Variants in TSG101 observed in about 807,000 individuals in gnomAD.
TSG101 encodes the protein tumor susceptibility gene 101 protein.
Under a neutral mutation model 48.5 loss-of-function variants are expected in TSG101, and 19 were observed. That is an observed-to-expected ratio of 0.39 (90% confidence interval 0.27 to 0.58). TSG101 has a LOEUF of 0.58. Ranked by LOEUF, TSG101 falls within the 20% of genes least tolerant of loss-of-function variation. The pLI is 0.55. For missense variants in TSG101, 365 were observed against 484.4 expected (o/e 0.75, Z 2.31); for synonymous variants, 174 against 169.4 (o/e 1.03, Z -0.21).
chr11:18,484,731 T>A (rs1849592848), intron 7 of TSG101, among the ~76,000 whole-genome samples: 1 of 152,220 alleles, frequency 6.6e-6, no homozygotes, highest in African/African-American at 2.4e-5. Flanking sequence ...TCCATGCATA[T>A]TTCAGATCAA....
intron 4 of TSG101, among the ~76,000 whole-genome samples, chr11:18,514,156 T>C (rs1850131452): frequency 6.6e-6 from 1 of 152,144 alleles, no homozygotes; most frequent in Non-Finnish European, 1.5e-5. Flanking sequence ...ATCTCTTTGC[T>C]GTTTTCTTCT....
chr11:18,514,646 T>A, intron 4 of TSG101, 32 bp downstream of exon 4: 1 of 1,493,594 alleles, frequency 6.7e-7, no homozygotes, highest in Middle Eastern at 2.0e-4. Context: ...ATATAAAACA[T>A]AACTAATTCA....
chr11:18,491,411 A>ACT (rs1802559094), intron 7 of TSG101, among the ~76,000 whole-genome samples: 1 of 151,836 alleles, frequency 6.6e-6, no homozygotes, highest in South Asian at 2.1e-4. Context: ...CCTGATAAAA[A>ACT]CTCTAGACCC....
Position 18,480,488 on chromosome 11 carries a change from TAAAAG to T in TSG101, c.*53_*57del. The T allele has an allele frequency of 4.3e-6, 6 of 1,396,892 alleles. No individual in the cohort carries two copies. Among genetic ancestry groups the T allele is most frequent in the African/African-American group, 1.4e-5 (1 of 70,302 alleles). 86.5% of individuals were successfully genotyped at this position (1,396,892 alleles called of 1,614,324 possible). ...ATAACTTATTCTGGGCACCTACTGA[TAAAAG>T]GAAGAGAAGAATACTTTAAGAAGAG... On this transcript the variant is annotated 3_prime_UTR_variant, in exon 10 of 10. Coordinates refer to ENST00000251968, the MANE Select transcript of TSG101 (RefSeq NM_006292.4).
chr11:18,512,391 C>T (rs1231087733), intron 4 of TSG101, among the ~76,000 whole-genome samples: 1 of 152,142 alleles, frequency 6.6e-6, no homozygotes, highest in Non-Finnish European at 1.5e-5. Flanking sequence ...TTTTTCAGTT[C>T]TAAGATTTCC....
At chr11:18,505,722 T>C (rs1849959755) in intron 6 of TSG101, among the ~76,000 whole-genome samples, 2 of 152,226 alleles carry the variant, frequency 1.3e-5, no homozygotes, top group African/African-American at 4.8e-5. Flanking sequence ...ATAGTACAGG[T>C]AGTCTATGAA....
At chr11:18,498,552 A>G (rs1026090092) in intron 7 of TSG101, among the ~76,000 whole-genome samples, 3 of 152,150 alleles carry the variant, frequency 2.0e-5, no homozygotes, top group African/African-American at 4.8e-5. Flanking sequence ...GTAGGTAACA[A>G]TGGAGATGGG....
intron 7 of TSG101, among the ~76,000 whole-genome samples, chr11:18,499,280 TA>T (rs1849838443): frequency 1.6e-5 from 2 of 128,742 alleles, no homozygotes; most frequent in Admixed American, 1.9e-4. Flanking sequence ...TATATTTATA[TA>T]TATCATATAT....
intron 7 of TSG101, 30 bp downstream of exon 7, chr11:18,502,455 TG>T: frequency 6.4e-7 from 1 of 1,574,290 alleles, no homozygotes; most frequent in Non-Finnish European, 8.7e-7. Context: ...TTTGCTTATA[TG>T]GTGAAACACA....
intron 3 of TSG101, among the ~76,000 whole-genome samples, chr11:18,515,379 G>A (rs953801960): frequency 2.0e-5 from 3 of 152,128 alleles, no homozygotes; most frequent in Non-Finnish European, 4.4e-5. Context: ...AAAGGACATA[G>A]GTCTTAGCTA....
intron 2 of TSG101, 103 bp from the exon 3 acceptor site, chr11:18,516,267 G>A: frequency 1.0e-6 from 1 of 961,074 alleles, no homozygotes; most frequent in Non-Finnish European, 1.6e-6. Flanking sequence ...ATCCTTGAAA[G>A]GGGCTGACCT....
At chr11:18,525,383 A>G (rs1237870456) in intron 1 of TSG101, among the ~76,000 whole-genome samples, 2 of 151,928 alleles carry the variant, frequency 1.3e-5, no homozygotes, top group African/African-American at 2.4e-5. Context: ...CGTCTCTACT[A>G]AAAATACAAC....
intron 7 of TSG101, among the ~76,000 whole-genome samples, chr11:18,496,237 G>GT (rs1319856510): frequency 4.6e-5 from 7 of 152,068 alleles, no homozygotes; most frequent in Admixed American, 4.6e-4. Context: ...GCCGAGGCAG[G>GT]TGGATCACCT....
intron 5 of TSG101, among the ~76,000 whole-genome samples, chr11:18,509,097 G>T (rs1309303812): frequency 6.6e-6 from 1 of 152,190 alleles, no homozygotes; most frequent in Non-Finnish European, 1.5e-5. Flanking sequence ...CTAAGAGCTA[G>T]ATGTCCAATT....
At chr11:18,502,984 G>A (rs551913636) in intron 6 of TSG101, among the ~76,000 whole-genome samples, 2 of 152,212 alleles carry the variant, frequency 1.3e-5, no homozygotes, top group African/African-American at 4.8e-5. Flanking sequence ...TATTTAACCC[G>A]AAAACACTTG....
intron 2 of TSG101, 41 bp downstream of exon 2, chr11:18,519,478 C>G (rs368421543): frequency 1.6e-5 from 24 of 1,472,524 alleles, no homozygotes; most frequent in Admixed American, 3.8e-5. Context: ...AGAGAGTAAA[C>G]TCAAAGTATA....
chr11:18,489,638 A>G (rs548710574), intron 7 of TSG101, among the ~76,000 whole-genome samples: 4 of 152,300 alleles, frequency 2.6e-5, no homozygotes, highest in African/African-American at 9.6e-5. Context: ...AAGAATTTAA[A>G]TTTCAGGATT....
chr11:18,499,536 G>A (rs1213176897), intron 7 of TSG101, among the ~76,000 whole-genome samples: 5 of 143,920 alleles, frequency 3.5e-5, no homozygotes, highest in African/African-American at 1.3e-4. Flanking sequence ...TCAGCTTCTT[G>A]AGTAGCTAGG....
chr11:18,501,096 C>T (rs1849879887), intron 7 of TSG101, among the ~76,000 whole-genome samples: 2 of 152,346 alleles, frequency 1.3e-5, no homozygotes, highest in African/African-American at 2.4e-5. Flanking sequence ...ACGTGAGCCA[C>T]TGCATCTGGC....
Sources: allele counts gnomAD v4.1 joint callset (sites outside exome capture counted in the v4.1 genomes callset), GRCh38; gene constraint gnomAD v4.1.1; transcripts MANE v1.5; gene names NCBI Gene and HGNC (gene_info 2026-07-23, HGNC 2026-07-21).